The following EXOSC7 variants were observed in gnomAD, a reference collection of about 807,000 sequenced individuals.
EXOSC7 encodes the protein exosome complex component RRP42.
Under a neutral mutation model 34.3 loss-of-function variants are expected in EXOSC7, and 25 were observed. The ratio of observed to expected loss-of-function variants is 0.73; its 90% CI spans 0.53 to 1.02. The LOEUF is 1.02. Ranked by LOEUF, EXOSC7 falls within the 50% of genes least tolerant of loss-of-function variation. The probability of loss-of-function intolerance (pLI) is 0.00; values close to 1 mark genes in which losing one functional copy is unlikely to be tolerated. For missense variants in EXOSC7, 370 were observed against 368.5 expected (o/e 1.00, Z -0.03); for synonymous variants, 130 against 143.0 (o/e 0.91, Z 0.65).
intron 1 of EXOSC7, among the ~76,000 whole-genome samples, chr3:44,988,050 A>C (rs1706469682): frequency 1.3e-5 from 2 of 152,206 alleles, no homozygotes; most frequent in South Asian, 4.1e-4. Context: ...TGGAAGAAAT[A>C]ATACTCCAAC....
chr3:45,005,251 C>T (rs1339158593), intron 5 of EXOSC7, 40 bp from the exon 6 acceptor site: 13 of 1,609,752 alleles, frequency 8.1e-6, no homozygotes, highest in Non-Finnish European at 1.0e-5. Context: ...GTTATTTTTC[C>T]TCCTCCAAGT....
chr3:44,979,433 C>T (rs1369172160), intron 1 of EXOSC7, among the ~76,000 whole-genome samples: 1 of 152,204 alleles, frequency 6.6e-6, no homozygotes, highest in African/African-American at 2.4e-5. Context: ...GGGAATATTT[C>T]ATCTTGTTTT....
At chr3:44,980,188 A>G (rs1706237783) in intron 1 of EXOSC7, among the ~76,000 whole-genome samples, 1 of 152,060 alleles carries the variant, frequency 6.6e-6, no homozygotes, top group African/African-American at 2.4e-5. Flanking sequence ...GGTATCTTCC[A>G]CTGGACAAAC....
chr3:44,994,363 G>A (rs1030389739), intron 3 of EXOSC7, among the ~76,000 whole-genome samples: 4 of 150,758 alleles, frequency 2.7e-5, no homozygotes, highest in African/African-American at 9.8e-5. Flanking sequence ...TTTGTTTCAT[G>A]TAGGGATTTT....
At chr3:45,001,512 C>A in intron 4 of EXOSC7, 26 bp from the exon 5 acceptor site, 2 of 1,575,660 alleles carry the variant, frequency 1.3e-6, no homozygotes, top group Non-Finnish European at 1.7e-6. Context: ...GGTTTTTTTT[C>A]CTTTTTCAAT....
chr3:44,976,362 C>T, intron 1 of EXOSC7, 28 bp downstream of exon 1: 1 of 1,551,232 alleles, frequency 6.4e-7, no homozygotes, highest in Non-Finnish European at 8.7e-7. Context: ...GTTGGGTCGG[C>T]CGCCGGGTTC....
intron 1 of EXOSC7, among the ~76,000 whole-genome samples, chr3:44,988,167 C>T (rs1706472542): frequency 6.6e-6 from 1 of 152,166 alleles, no homozygotes; most frequent in South Asian, 2.1e-4. Context: ...GCAGAGAAGA[C>T]ACAAGAGGAT....
chr3:44,996,442 T>C (rs1182618799), intron 3 of EXOSC7, among the ~76,000 whole-genome samples: 1 of 152,180 alleles, frequency 6.6e-6, no homozygotes, highest in Non-Finnish European at 1.5e-5. Context: ...TTGAAAAATA[T>C]CAAATGAAGG....
At chr3:44,995,222 A>T (rs1433464649) in intron 3 of EXOSC7, among the ~76,000 whole-genome samples, 1 of 152,168 alleles carries the variant, frequency 6.6e-6, no homozygotes, top group Admixed American at 6.5e-5. Flanking sequence ...ACCTCAGGTG[A>T]TCCACCCGCC....
chr3:45,006,119 C>T, intron 6 of EXOSC7, among the ~76,000 whole-genome samples: 1 of 134,576 alleles, frequency 7.4e-6, no homozygotes, highest in Non-Finnish European at 1.5e-5. Context: ...GCTGCAACGC[C>T]CAGGCTGGAG....
chr3:44,990,702 T>C (rs985438889), intron 3 of EXOSC7, among the ~76,000 whole-genome samples: 1 of 152,220 alleles, frequency 6.6e-6, no homozygotes, highest in African/African-American at 2.4e-5. Flanking sequence ...AGATTTTTAC[T>C]GGGAGCTGGT....
At chr3:44,986,937 TTA>T (rs1706435976) in intron 1 of EXOSC7, among the ~76,000 whole-genome samples, 1 of 152,170 alleles carries the variant, frequency 6.6e-6, no homozygotes, top group African/African-American at 2.4e-5. Flanking sequence ...ATTTTATTTT[TTA>T]TGTTTCTGGG....
At chr3:45,004,561 T>G (rs1006566020) in intron 5 of EXOSC7, 13 of 151,162 alleles carry the variant, frequency 8.6e-5, no homozygotes, top group Non-Finnish European at 1.5e-4. Flanking sequence ...TGGCGTTTTT[T>G]TTTTTTTGTT....
chr3:45,005,229 T>C (rs1307569355), intron 5 of EXOSC7, 62 bp from the exon 6 acceptor site: 2 of 1,593,278 alleles, frequency 1.3e-6, no homozygotes, highest in Admixed American at 1.7e-5. Context: ...CTATTCTCAA[T>C]CTTAAAAAGA....
intron 1 of EXOSC7, 135 bp downstream of exon 1, chr3:44,976,469 T>C: frequency 1.3e-6 from 1 of 772,664 alleles, no homozygotes; most frequent in Non-Finnish European, 2.0e-6. Context: ...TAAACGGTTC[T>C]GCTGCCGGCG....
chr3:45,006,404 G>GTTTTTTTTTTTTTTTTTTTTT (rs545281987), intron 6 of EXOSC7, among the ~76,000 whole-genome samples: 2 of 61,706 alleles, frequency 3.2e-5, no homozygotes, highest in Non-Finnish European at 5.8e-5. Flanking sequence ...TTGTTTATTT[G>GTTTTTTTTTTTTTTTTTTTTT]TTTTTTTTTT....
At chr3:45,012,528 G>A (rs1697314864), downstream of EXOSC7, 1 of 152,218 alleles carries the variant, frequency 6.6e-6, no homozygotes, top group African/African-American at 2.4e-5. Flanking sequence ...CACCATGACA[G>A]TGTTCCCAAC....
intron 7 of EXOSC7, among the ~76,000 whole-genome samples, chr3:45,009,855 C>G (rs1707157947): frequency 6.6e-6 from 1 of 152,130 alleles, no homozygotes. Flanking sequence ...CCCCGAAGGC[C>G]TTTTTGACCT....
At chr3:45,008,589 G>A (rs778246915) in intron 7 of EXOSC7, among the ~76,000 whole-genome samples, 9 of 152,202 alleles carry the variant, frequency 5.9e-5, no homozygotes, top group Non-Finnish European at 1.2e-4. Flanking sequence ...AGTAATATCT[G>A]CCCAGACACT....
Sources: allele counts gnomAD v4.1 joint callset (sites outside exome capture counted in the v4.1 genomes callset), GRCh38; gene constraint gnomAD v4.1.1; transcripts MANE v1.5; gene names NCBI Gene and HGNC (gene_info 2026-07-23, HGNC 2026-07-21).